Variants in TAS1R3 observed in about 807,000 individuals in gnomAD.
TAS1R3 encodes taste receptor type 1 member 3.
TAS1R3 carries 58 observed loss-of-function variants against 46.1 expected under a neutral mutation model. The observed-to-expected ratio is 1.26, with a 90% CI of 1.02 to 1.57. The LOEUF (loss-of-function observed/expected upper bound fraction) is 1.57. TAS1R3 is among the 40% of genes most tolerant of loss of function. The pLI is 0.00. For missense variants in TAS1R3, 1,422 were observed against 1,185.8 expected, an observed-to-expected ratio of 1.20 and a Z score of -2.93; for synonymous variants, 724 against 544.7, an observed-to-expected ratio of 1.33 and a Z score of -4.58.
rs768334149 is a variant in TAS1R3, at chr1:1,332,462, G to C, written c.931G>C (p.Gly311Arg). Residue 311 changes from glycine to arginine, a missense_variant, in exon 3 of 6, where the codon GGG (glycine) becomes CGG (arginine). Gly to Arg is a moderately radical substitution (Grantham distance 125). Transcript: ENST00000339381. Reference sequence around the variant, plus strand: ...CTGGCTGACCTCTGACCTGGTCATGGGGCTGCCCGGCATGGCCCAGATGGG... The same window carrying C: ...CTGGCTGACCTCTGACCTGGTCATGCGGCTGCCCGGCATGGCCCAGATGGG... ...EAWLTSDLVMGLPGMAQMGTV... is the reference protein window; with the variant it reads ...EAWLTSDLVMRLPGMAQMGTV... The C allele has an allele frequency of 1.9e-6, 3 of 1,609,464 alleles. No homozygotes were observed. In the Admixed American group the frequency reaches 5.0e-5, roughly 27 times the overall value.
chr1:1,334,382 C>G lies in TAS1R3; in HGVS notation c.2477C>G (p.Pro826Arg), dbSNP rs749544965. 4 of 1,608,568 alleles carry G rather than the reference C, an allele frequency of 2.5e-6. No individual in the cohort carries two copies. The Admixed American group carries it at 6.7e-5, about 27-fold the overall frequency. ...ATGCGGCAGCCAGGGCTCAACACCC[C>G]CGAGTTCTTCCTGGGAGGGGGCCCT... is the stretch of plus-strand genomic sequence containing the variant. ...LLMRQPGLNT[P>R]EFFLGGGPGD... The change falls in exon 6 of 6, where the codon CCC becomes CGC. Residue 826 changes from proline (P) to arginine (R), a missense_variant. Pro to Arg is a moderately radical substitution (Grantham distance 103). Transcript: ENST00000339381.
Position 1,331,882 on chromosome 1 carries a change from T to A in TAS1R3, c.436T>A (p.Ser146Thr). The change falls in exon 2 of 6, where the codon TCG becomes ACG. Residue 146 changes from serine to threonine, a missense_variant. By Grantham distance (58) the Ser-to-Thr change is moderately conservative. Transcript: ENST00000339381. ...TGTGCTGGCTGTCATCGGGCCCCAC[T>A]CGTCAGAGCTCGCCATGGTCACCGG... Reference protein sequence around the residue: ...PRVLAVIGPHSSELAMVTGKF... With the variant: ...PRVLAVIGPHTSELAMVTGKF... The A allele has an allele frequency of 1.2e-6, 2 of 1,612,784 alleles. No individual in the cohort carries two copies. Among genetic ancestry groups the A allele is most frequent in the Non-Finnish European group, 8.5e-7 (1 of 1,179,972 alleles).
At position 1,333,508 on chromosome 1, in the gene TAS1R3, G is replaced by A. The variant is rs746607242; in HGVS notation, c.1603G>A (p.Asp535Asn). ...AGCGCCCTTCTCCTCTCTCACAGACGACATCGCCTGCACCTTTTGTGGCCA... is the reference window on the plus strand; with the variant it reads ...AGCGCCCTTCTCCTCTCTCACAGACAACATCGCCTGCACCTTTTGTGGCCA... The part of the protein sequence containing the change: ...EAGSYRQNPD[D>N]IACTFCGQDE... The change falls in exon 6 of 6, where the codon GAC (aspartate) becomes AAC (asparagine). Residue 535 changes from aspartate to asparagine, a missense_variant and splice_region_variant. Coordinates refer to ENST00000339381, the MANE Select transcript of TAS1R3 (RefSeq NM_152228.3). 76 of 1,601,208 alleles carry A rather than the reference G, an allele frequency of 4.7e-5. No individual in the cohort carries two copies. The highest frequency in any genetic ancestry group is 1.6e-4 in the Middle Eastern group (1 of 6,078).
In TAS1R3 at chr1:1,334,227, C is replaced by T; in HGVS notation, c.2322C>T (p.Thr774=). 1.9e-6 allele frequency: 3 copies of T among 1,610,546 alleles called. No individual in the cohort carries two copies. The highest frequency in any genetic ancestry group is 2.2e-5 in the South Asian group (2 of 90,472). The part of the protein sequence containing the change: ...LTFAMLAYFI[T]WVSFVPLLAN... ...TTGCCATGCTGGCCTACTTCATCAC[C>T]TGGGTCTCCTTTGTGCCCCTCCTGG... The change falls in exon 6 of 6, where the codon ACC becomes ACT. Residue 774 remains threonine, a synonymous_variant. Transcript: ENST00000339381.
In TAS1R3 at chr1:1,333,907, T is replaced by TG; in HGVS notation, c.2005dup (p.Ala669GlyfsTer174). ...CGTGGAGTCAGAACTGCCTCTGAGC[T>TG]GGGCAGACCGGCTGAGTGGCTGCCT... On this transcript the variant is annotated frameshift_variant, in exon 6 of 6. Transcript: ENST00000339381. LOFTEE classifies it low-confidence loss of function (END_TRUNC). 6.2e-7 allele frequency: 1 copy of TG among 1,601,014 alleles called. No individual in the cohort carries two copies. Among genetic ancestry groups the TG allele is most frequent in the East Asian group, 2.2e-5 (1 of 44,874 alleles).
Position 1,334,400 on chromosome 1 carries a change from G to T in TAS1R3, c.2495G>T (p.Gly832Val). ...GLNTPEFFLG[G>V]GPGDAQGQND... Reference sequence around the variant, plus strand: ...AACACCCCCGAGTTCTTCCTGGGAGGGGGCCCTGGGGATGCCCAAGGCCAG... The same window carrying T: ...AACACCCCCGAGTTCTTCCTGGGAGTGGGCCCTGGGGATGCCCAAGGCCAG... The change falls in exon 6 of 6, where the codon GGG (glycine) becomes GTG (valine). Residue 832 changes from glycine to valine, a missense_variant. Gly to Val is a moderately radical substitution (Grantham distance 109). Coordinates refer to ENST00000339381, the MANE Select transcript of TAS1R3 (RefSeq NM_152228.3). The T allele has an allele frequency of 6.2e-7, 1 of 1,606,526 alleles. No homozygotes were observed.
rs1643532126 is a variant in TAS1R3, at chr1:1,335,263, C to T, written c.*799C>T. Reference sequence around the variant, plus strand: ...GCAGCCCAGCCGGAGAGAAGGGGCACAGGCCACACATCTGTCCCATAAAAT... The same window carrying T: ...GCAGCCCAGCCGGAGAGAAGGGGCATAGGCCACACATCTGTCCCATAAAAT... On this transcript the variant is annotated 3_prime_UTR_variant, in exon 6 of 6. Transcript: ENST00000339381. The T allele has an allele frequency of 6.6e-6, 1 of 152,310 alleles. No individual in the cohort carries two copies. The highest frequency in any genetic ancestry group is 1.5e-5 in the Non-Finnish European group (1 of 68,070). The allele number at this position is 152,310 out of a possible 1,614,324, so 9.4% of individuals were successfully genotyped here.
rs754670134 is a variant in TAS1R3 at position 1,332,267 on chromosome 1, C to A, written c.736C>A (p.Pro246Thr). ...CGCGCACGAGGGCCTGGTGCCGCTG[C>A]CCCGTGCCGATGACTCGCGGCTGGG... Reference protein sequence around the residue: ...CIAHEGLVPLPRADDSRLGKV... With the variant: ...CIAHEGLVPLTRADDSRLGKV... The change falls in exon 3 of 6, where the codon CCC becomes ACC. Residue 246 changes from proline (P) to threonine (T), a missense_variant. Physicochemically the swap from Pro to Thr is conservative, Grantham distance 38. Transcript: ENST00000339381. The A allele has an allele frequency of 3.7e-6, 6 of 1,600,564 alleles. No homozygotes were observed. The East Asian group carries it at 1.3e-4, about 36-fold the overall frequency.
In TAS1R3 at chr1:1,333,714, G is replaced by A. The variant is rs1643486922; in HGVS notation, c.1809G>A (p.Gly603=). 6.2e-7 allele frequency: 1 copy of A among 1,609,068 alleles called. No homozygotes were observed. Among genetic ancestry groups the A allele is most frequent in the Non-Finnish European group, 8.5e-7 (1 of 1,178,940 alleles). ...HRDSPLVQAS[G]GPLACFGLVC... The stretch of plus-strand genomic sequence containing the variant: ...ACAGCCCACTGGTTCAGGCCTCGGG[G>A]GGGCCCCTGGCCTGCTTTGGCCTGG... Residue 603 remains glycine, a synonymous_variant, in exon 6 of 6, where the codon GGG becomes GGA. Transcript: ENST00000339381.
rs750033775 is a variant in TAS1R3, at chr1:1,333,349, T to G, written c.1570T>G (p.Cys524Gly). ...CTCCTGCTGCTACGACTGTGTGGAC[T>G]GCGAGGCGGGCAGCTACCGGCAAAA... ...FHSCCYDCVD[C>G]EAGSYRQNPD... The change falls in exon 5 of 6, where the codon TGC becomes GGC. Residue 524 changes from cysteine (C) to glycine (G), a missense_variant. Transcript: ENST00000339381. 2 of 1,610,262 alleles carry G rather than the reference T, an allele frequency of 1.2e-6. No individual in the cohort carries two copies. The highest frequency in any genetic ancestry group is 1.1e-5 in the South Asian group (1 of 90,744).
At position 1,334,383 on chromosome 1, in the gene TAS1R3, C is replaced by T. The variant is rs139530347; in HGVS notation, c.2478C>T (p.Pro826=). ...TGCGGCAGCCAGGGCTCAACACCCC[C>T]GAGTTCTTCCTGGGAGGGGGCCCTG... ...LLMRQPGLNT[P]EFFLGGGPGD... The change falls in exon 6 of 6, where the codon CCC becomes CCT. Residue 826 remains proline, a synonymous_variant. Coordinates refer to ENST00000339381, the MANE Select transcript of TAS1R3 (RefSeq NM_152228.3). 1.2e-6 allele frequency: 2 copies of T among 1,610,136 alleles called. No homozygotes were observed. Among genetic ancestry groups the T allele is most frequent in the Non-Finnish European group, 1.7e-6 (2 of 1,178,552 alleles).
intron 2 of TAS1R3, 34 bp downstream of exon 2, chr1:1,331,972 A>G: frequency 1.8e-6 from 1 of 543,884 alleles, no homozygotes; most frequent in Non-Finnish European, 3.1e-6. Context: ...ACCCCCACCC[A>G]GCCCTGCCCG....
chr1:1,332,659 C>G lies in TAS1R3; in HGVS notation c.1128C>G (p.Ile376Met). The G allele has an allele frequency of 6.2e-7, 1 of 1,607,222 alleles. No homozygotes were observed. Among genetic ancestry groups the G allele is most frequent in the African/African-American group, 1.3e-5 (1 of 75,060 alleles). ...AGCGCTGCCCGCAGTGTGACTGCAT[C>G]ACGCTGCAGAACGTGAGCGCAGGGC... Reference protein sequence around the residue: ...VGQRCPQCDCITLQNVSAGLN... With the variant: ...VGQRCPQCDCMTLQNVSAGLN... The change falls in exon 3 of 6, where the codon ATC becomes ATG. Residue 376 changes from isoleucine to methionine, a missense_variant. Ile to Met is a conservative substitution (Grantham distance 10, BLOSUM62 1). Transcript: ENST00000339381.
In TAS1R3 at chr1:1,334,085, G is replaced by A. The variant is rs777698817; in HGVS notation, c.2180G>A (p.Trp727Ter). The A allele has an allele frequency of 1.9e-6, 3 of 1,594,332 alleles. No homozygotes were observed. The highest frequency in any genetic ancestry group is 2.6e-6 in the Non-Finnish European group (3 of 1,172,622). Residue 727 changes from tryptophan to a stop codon, truncating the protein, a stop_gained, in exon 6 of 6, where the codon TGG (tryptophan) becomes TAG (stop). Transcript: ENST00000339381. LOFTEE classifies it low-confidence loss of function (END_TRUNC). ...CTGGTGCACTGCCGCACACGCTCCT[G>A]GGTCAGCTTCGGCCTAGCGCACGCC... Reference protein sequence around the residue: ...EALVHCRTRSWVSFGLAHATN... With the variant: ...EALVHCRTRS
Position 1,331,701 on chromosome 1 carries a change from C to G in TAS1R3, c.255C>G (p.Asn85Lys), listed in dbSNP as rs374712712. The G allele has an allele frequency of 6.9e-5, 112 of 1,612,846 alleles. No homozygotes were observed. Among genetic ancestry groups the G allele is most frequent in the Admixed American group, 4.0e-4 (24 of 60,008 alleles). The change falls in exon 2 of 6, where the codon AAC becomes AAG. Residue 85 changes from asparagine (N) to lysine (K), a missense_variant. Coordinates refer to ENST00000339381, the MANE Select transcript of TAS1R3 (RefSeq NM_152228.3). ...AMKMAVEEINNKSDLLPGLRL... is the reference protein window; with the variant it reads ...AMKMAVEEINKKSDLLPGLRL... ...AAATGGCCGTGGAGGAGATCAACAA[C>G]AAGTCGGATCTGCTGCCCGGGCTGC...
At position 1,331,958 on chromosome 1, in the gene TAS1R3, A is replaced by AAAAC; in HGVS notation, c.492+20_492+21insAAAC. Reference sequence around the variant, plus strand: ...CCCCAGGTGGGCGCCCCCCACCATCACCCACCCCCACCCAGCCCTGCCCGT... The same window carrying AAAAC: ...CCCCAGGTGGGCGCCCCCCACCATCAAAACCCCACCCCCACCCAGCCCTGCCCGT... On this transcript the variant is annotated intron_variant, in intron 2 of 5. Transcript: ENST00000339381. The AAAAC allele has an allele frequency of 3.2e-6, 5 of 1,539,120 alleles. No homozygotes were observed. The highest frequency in any genetic ancestry group is 4.4e-6 in the Non-Finnish European group (5 of 1,141,648).
At position 1,333,789 on chromosome 1, in the gene TAS1R3, C is replaced by G. The variant is rs764986469; in HGVS notation, c.1884C>G (p.Pro628=). ...GCGTCCTCCTGTTCCCTGGCCAGCC[C>G]AGCCCTGCCCGATGCCTGGCCCAGC... ...CLSVLLFPGQ[P]SPARCLAQQP... Residue 628 remains proline (P), a synonymous_variant, in exon 6 of 6, where the codon CCC becomes CCG. Coordinates refer to ENST00000339381, the MANE Select transcript of TAS1R3 (RefSeq NM_152228.3). The G allele has an allele frequency of 6.3e-7, 1 of 1,594,154 alleles. No individual in the cohort carries two copies. Among genetic ancestry groups the G allele is most frequent in the Non-Finnish European group, 8.5e-7 (1 of 1,175,016 alleles).
In TAS1R3 at chr1:1,331,499, C is replaced by CGCA; in HGVS notation, c.157_159dup (p.Ser53dup). 1 of 1,604,268 alleles carries CGCA rather than the reference C, an allele frequency of 6.2e-7. No individual in the cohort carries two copies. The highest frequency in any genetic ancestry group is 8.5e-7 in the Non-Finnish European group (1 of 1,176,090). On this transcript the variant is annotated inframe_insertion, in exon 1 of 6. Coordinates refer to ENST00000339381, the MANE Select transcript of TAS1R3 (RefSeq NM_152228.3). ...GGGCGAGGCCGAGGAGGCTGGCCTC[C>CGCA]GCAGCCGGACACGGCCCAGCAGCCC...
rs1643440555 is a variant in TAS1R3 at position 1,332,063 on chromosome 1, G to C, written c.532G>C (p.Glu178Gln). ...TAGCATGGAGCTGCTGAGCGCCCGG[G>C]AGACCTTCCCCTCCTTCTTCCGCAC... is the stretch of plus-strand genomic sequence containing the variant. The part of the protein sequence containing the change: ...GASMELLSAR[E>Q]TFPSFFRTVP... The change falls in exon 3 of 6, where the codon GAG becomes CAG. Residue 178 changes from glutamate (E) to glutamine (Q), a missense_variant. Transcript: ENST00000339381. 1 of 1,604,818 alleles carries C rather than the reference G, an allele frequency of 6.2e-7. No homozygotes were observed. Among genetic ancestry groups the C allele is most frequent in the South Asian group, 1.1e-5 (1 of 91,084 alleles).
Sources: allele counts gnomAD v4.1 joint callset, GRCh38; gene constraint gnomAD v4.1.1; transcripts MANE v1.5; gene names NCBI Gene and HGNC (gene_info 2026-07-23, HGNC 2026-07-21).